The following KANK1 variants were observed in gnomAD, a reference collection of about 807,000 sequenced individuals.
The protein encoded by KANK1 is KN motif and ankyrin repeat domains 1.
A neutral mutation model predicts 106.2 loss-of-function variants in KANK1; 109 were observed. That is an observed-to-expected ratio of 1.03 (90% CI 0.88 to 1.20). The LOEUF (loss-of-function observed/expected upper bound fraction) is 1.20, where lower values mean the gene tolerates loss of function less well. Among genes scored for constraint, KANK1 ranks in the 50% most tolerant of loss-of-function variants. The pLI is 0.00. For synonymous variants in KANK1, 873 were observed against 652.2 expected (o/e 1.34, Z -5.16); for missense variants, 2,399 against 1,710.7 (o/e 1.40, Z -7.10).
chr9:645,439 TAAA>T (rs376740141), intron 1 of KANK1, among the ~76,000 whole-genome samples: 13 of 70,262 alleles, frequency 1.9e-4, no homozygotes, highest in Admixed American at 1.2e-3. Flanking sequence ...GACTGTGTCT[TAAA>T]AAAAAAAAAA....
intron 3 of KANK1, chr9:488,822 T>C (rs1480366194): frequency 6.6e-6 from 1 of 152,226 alleles, no homozygotes; most frequent in Non-Finnish European, 1.5e-5. Flanking sequence ...GTCTGTATTT[T>C]ACAAACCAAA....
intron 3 of KANK1, among the ~76,000 whole-genome samples, chr9:713,688 C>G (rs75960901): frequency 6.6e-6 from 1 of 152,118 alleles, no homozygotes; most frequent in African/African-American, 2.4e-5. Context: ...AGGACTAACG[C>G]TGGAAGAAAA....
At chr9:574,723 C>T (rs1029441803) in intron 1 of KANK1, among the ~76,000 whole-genome samples, 1 of 151,814 alleles carries the variant, frequency 6.6e-6, no homozygotes, top group African/African-American at 2.4e-5. Flanking sequence ...GGCATGGTGG[C>T]ACGTGCCTGT....
chr9:679,699 A>T (rs1239262397), intron 2 of KANK1, among the ~76,000 whole-genome samples: 1 of 152,118 alleles, frequency 6.6e-6, no homozygotes, highest in Non-Finnish European at 1.5e-5. Flanking sequence ...GAGCCACCGC[A>T]CCCAGCTGAA....
chr9:585,193 C>G (rs541632686), intron 1 of KANK1, among the ~76,000 whole-genome samples: 1 of 152,292 alleles, frequency 6.6e-6, no homozygotes, highest in South Asian at 2.1e-4. Flanking sequence ...TTAGAACTTT[C>G]ATTTACCCCT....
chr9:587,022 G>A (rs1823658074), intron 1 of KANK1, among the ~76,000 whole-genome samples: 1 of 152,064 alleles, frequency 6.6e-6, no homozygotes, highest in Non-Finnish European at 1.5e-5. Flanking sequence ...CAGAATGATG[G>A]TCACTATACT....
At position 712,967 on chromosome 9, in the gene KANK1, G is replaced by T; in HGVS notation, c.2201G>T (p.Arg734Leu). The T allele has an allele frequency of 6.2e-7, 1 of 1,614,154 alleles. No homozygotes were observed. The highest frequency in any genetic ancestry group is 8.5e-7 in the Non-Finnish European group (1 of 1,180,036). Residue 734 changes from arginine (R) to leucine (L), a missense_variant, in exon 3 of 12, where the codon CGG (arginine) becomes CTG (leucine). Physicochemically the swap from Arg to Leu is moderately radical, Grantham distance 102 (BLOSUM62 -2). Transcript: ENST00000382297. Reference sequence around the variant, plus strand: ...GACATCAACTCCTCCACCAAGACGCGGTCCATTGGTGTTGGAACGTTGCTT... The same window carrying T: ...GACATCAACTCCTCCACCAAGACGCTGTCCATTGGTGTTGGAACGTTGCTT... ...VKDINSSTKT[R>L]SIGVGTLLSG...
In KANK1 at chr9:745,883, G is replaced by T. The variant is rs145928526; in HGVS notation, c.*648G>T. ...ATACTAAAGCCATGAAGAACTACACGTAACATCATCATTTGTATTAATTGC... is the reference window on the plus strand; with the variant it reads ...ATACTAAAGCCATGAAGAACTACACTTAACATCATCATTTGTATTAATTGC... On this transcript the variant is annotated 3_prime_UTR_variant, in exon 12 of 12. Transcript: ENST00000382297. 88 of 152,710 alleles carry T rather than the reference G, an allele frequency of 5.8e-4. No homozygotes were observed. Among genetic ancestry groups the T allele is most frequent in the African/African-American group, 1.8e-3 (76 of 41,556 alleles). 9.5% of individuals were successfully genotyped at this position (152,710 alleles called of 1,614,324 possible).
rs75964035 is a variant in KANK1, at chr9:544,402, T to C, written c.-84+39648T>C. 6.8e-3 allele frequency among the ~76,000 whole-genome samples: 1,035 copies of C among 152,282 alleles called. 16 individuals carry two copies. The highest frequency in any genetic ancestry group is 0.023 in the African/African-American group (944 of 41,552). ...TGTCATGTATGTATTTTAACATCAC[T>C]ACCGCATCTGGTGCAGAGAGGGGCA... On this transcript the variant is annotated intron_variant, in intron 1 of 11. Coordinates refer to ENST00000382297, the MANE Select transcript of KANK1 (RefSeq NM_015158.5).
intron 1 of KANK1, among the ~76,000 whole-genome samples, chr9:603,273 C>T (rs1031146164): frequency 9.2e-5 from 14 of 151,812 alleles, no homozygotes; most frequent in African/African-American, 3.2e-4. Context: ...TCTCAACTGG[C>T]AGATAAAGCC....
At chr9:472,254 A>G (rs2058035260) in intron 2 of KANK1, among the ~76,000 whole-genome samples, 1 of 152,204 alleles carries the variant, frequency 6.6e-6, no homozygotes, top group Non-Finnish European at 1.5e-5. Flanking sequence ...TGACTGACCA[A>G]GGAAGTCAAT....
chr9:548,452 A>G (rs976327871), intron 1 of KANK1, among the ~76,000 whole-genome samples: 1 of 152,206 alleles, frequency 6.6e-6, no homozygotes, highest in Non-Finnish European at 1.5e-5. Flanking sequence ...AGCAGCACGT[A>G]CAGATGCCCT....
intron 2 of KANK1, chr9:707,248 G>C: frequency 1.0e-6 from 1 of 986,130 alleles, no homozygotes; most frequent in Non-Finnish European, 1.2e-6. Flanking sequence ...GCGCCACGTG[G>C]TAGGTGAGCT....
intron 1 of KANK1, among the ~76,000 whole-genome samples, chr9:564,043 T>C (rs1374498513): frequency 6.6e-6 from 1 of 151,572 alleles, no homozygotes; most frequent in Non-Finnish European, 1.5e-5. Context: ...CCTAGTGTCA[T>C]AGAATGTGCA....
chr9:501,567 T>A (rs1389366230), upstream of KANK1, among the ~76,000 whole-genome samples: 1 of 151,974 alleles, frequency 6.6e-6, no homozygotes, highest in East Asian at 1.9e-4. Context: ...CCAGCTAAAA[T>A]ATGGTTCATT....
intron 1 of KANK1, among the ~76,000 whole-genome samples, chr9:605,498 A>C (rs1006609635): frequency 6.6e-6 from 1 of 151,426 alleles, no homozygotes; most frequent in Non-Finnish European, 1.5e-5. Flanking sequence ...GGGAGGAAAA[A>C]CCAGTGAAGT....
intron 1 of KANK1, among the ~76,000 whole-genome samples, chr9:544,277 C>G (rs528086611): frequency 2.6e-5 from 4 of 152,244 alleles, no homozygotes; most frequent in African/African-American, 9.6e-5. Flanking sequence ...CCCCACTTGG[C>G]CTCCCGAAGT....
At chr9:723,937 C>G (rs370880829) in intron 3 of KANK1, among the ~76,000 whole-genome samples, 10 of 71,086 alleles carry the variant, frequency 1.4e-4, no homozygotes, top group African/African-American at 6.0e-4. Flanking sequence ...ATTAAAAATA[C>G]GAAAAAAAAA....
chr9:609,588 C>G (rs1423489446), intron 1 of KANK1, among the ~76,000 whole-genome samples: 5 of 152,084 alleles, frequency 3.3e-5, no homozygotes, highest in Admixed American at 1.3e-4. Context: ...TGAGATCGCT[C>G]CACTGTACTC....
Sources: gnomAD v4.1 joint callset for allele counts (sites outside exome capture counted in the v4.1 genomes callset) on GRCh38, gnomAD v4.1.1 for gene constraint, MANE v1.5 for transcripts, NCBI Gene and HGNC (gene_info 2026-07-23, HGNC 2026-07-21) for gene names.